FRYL: variants seen among roughly 807,000 people sequenced by gnomAD.
FRYL encodes the protein FRY like transcription coactivator.
Under a neutral mutation model 351.2 loss-of-function variants are expected in FRYL, and 150 were observed. The observed-to-expected ratio is 0.43, with a 90% confidence interval of 0.37 to 0.49. FRYL has a LOEUF of 0.49. Ranked by LOEUF, FRYL falls within the 20% of genes least tolerant of loss-of-function variation. FRYL has a pLI of 0.00. For missense variants in FRYL, 3,036 were observed against 3,619.3 expected (o/e 0.84, Z 4.13); for synonymous variants, 1,153 against 1,257.1 (o/e 0.92, Z 1.75).
In FRYL at chr4:48,715,934, C is replaced by T. The variant is rs1305776377; in HGVS notation, c.-383-5236G>A. Among the ~76,000 whole-genome samples, 30 of 152,008 alleles carry T rather than the reference C, an allele frequency of 2.0e-4. No homozygotes were observed. The East Asian group carries it at 2.5e-3, about 13-fold the overall frequency. ...ACTGGTACCAAAACAGAGATATAGACCAATGGAACAGAACAGAGCCCTCAG... is the reference window on the plus strand; with the variant it reads ...ACTGGTACCAAAACAGAGATATAGATCAATGGAACAGAACAGAGCCCTCAG... On this transcript the variant is annotated intron_variant, in intron 1 of 63. Coordinates refer to ENST00000358350, the MANE Select transcript of FRYL (RefSeq NM_015030.2).
chr4:48,606,701 A>G (rs538801874), intron 9 of FRYL, 95 bp from the exon 10 acceptor site: 2 of 902,282 alleles, frequency 2.2e-6, no homozygotes, highest in Non-Finnish European at 3.2e-6. Context: ...TGCTACCTAA[A>G]TATCATCTCC....
chr4:48,776,726 T>C (rs1040668834), intron 1 of FRYL, among the ~76,000 whole-genome samples: 12 of 152,190 alleles, frequency 7.9e-5, no homozygotes, highest in East Asian at 5.8e-4. Context: ...TATGTAACAA[T>C]AGTTGAAATT....
At chr4:48,564,878 G>T in intron 30 of FRYL, 55 bp downstream of exon 30, 1 of 958,438 alleles carries the variant, frequency 1.0e-6, no homozygotes, top group Non-Finnish European at 1.6e-6. Flanking sequence ...TACATTAACT[G>T]CAAATAATAC....
chr4:48,730,215 C>T (rs1215229662), intron 1 of FRYL, among the ~76,000 whole-genome samples: 2 of 151,992 alleles, frequency 1.3e-5, no homozygotes, highest in Admixed American at 1.3e-4. Flanking sequence ...AACAAAACCT[C>T]CAAGAAAATA....
intron 4 of FRYL, among the ~76,000 whole-genome samples, chr4:48,624,346 C>T (rs766103088): frequency 1.3e-5 from 2 of 152,070 alleles, no homozygotes; most frequent in Non-Finnish European, 2.9e-5. Flanking sequence ...GTGGGACTCA[C>T]TGTGGAAAGC....
chr4:48,626,746 AAT>A (rs1216680505), intron 4 of FRYL, among the ~76,000 whole-genome samples: 1 of 152,152 alleles, frequency 6.6e-6, no homozygotes, highest in Non-Finnish European at 1.5e-5. Flanking sequence ...ATAAACAAGA[AAT>A]ATATAGAGAT....
Position 48,578,983 on chromosome 4 carries a change from C to G in FRYL, c.2518G>C (p.Val840Leu), listed in dbSNP as rs777191122. 6.8e-6 allele frequency: 11 copies of G among 1,607,488 alleles called. No individual in the cohort carries two copies. The South Asian group carries it at 1.2e-4, about 18-fold the overall frequency. The change falls in exon 23 of 64, where the codon GTC (valine) becomes CTC (leucine). Residue 840 changes from valine (V) to leucine (L), a missense_variant. This residue lies in a region of FRYL where 492 missense variants were observed against 551.5 expected (regional missense o/e 0.89). Transcript: ENST00000358350. ...YTRLQLLSPQ[V>L]DINSPINAKK... ...AGGAAAATAACTTACTTTATATCGA[C>G]CTGAGGGGACAACAACTGAAGTCTT... is the stretch of plus-strand genomic sequence containing the variant.
intron 61 of FRYL, among the ~76,000 whole-genome samples, chr4:48,502,084 C>T (rs1359264242): frequency 1.1e-4 from 16 of 152,108 alleles, no homozygotes; most frequent in Non-Finnish European, 1.5e-5. Flanking sequence ...GACTTTTGCC[C>T]TCATTGAGAT....
chr4:48,626,514 T>A (rs1352156461), intron 4 of FRYL, among the ~76,000 whole-genome samples: 2 of 152,038 alleles, frequency 1.3e-5, no homozygotes, highest in Non-Finnish European at 2.9e-5. Flanking sequence ...AAATAGCATG[T>A]ATGATGTGAT....
At chr4:48,678,507 CAAAAAAAAA>C (rs10639089) in intron 3 of FRYL, among the ~76,000 whole-genome samples, 3 of 71,768 alleles carry the variant, frequency 4.2e-5, no homozygotes, top group African/African-American at 1.2e-4. Flanking sequence ...AACTCCATCT[CAAAAAAAAA>C]AAAAAAAAAA....
At chr4:48,667,769 TC>T (rs1761984878) in intron 3 of FRYL, among the ~76,000 whole-genome samples, 1 of 152,084 alleles carries the variant, frequency 6.6e-6, no homozygotes, top group African/African-American at 2.4e-5. Flanking sequence ...TGCCTCAGCC[TC>T]CCCAGTACCT....
intron 1 of FRYL, among the ~76,000 whole-genome samples, chr4:48,747,463 ATATTT>A (rs1772811353): frequency 6.6e-6 from 1 of 152,266 alleles, no homozygotes; most frequent in South Asian, 2.1e-4. Context: ...ATTCAAATTT[ATATTT>A]TATTCAGATT....
intron 1 of FRYL, among the ~76,000 whole-genome samples, chr4:48,737,170 T>A (rs1771531139): frequency 6.8e-6 from 1 of 146,102 alleles, no homozygotes. Flanking sequence ...GGCACAAGAA[T>A]CGTTTGAACC....
intron 62 of FRYL, 42 bp from the exon 63 acceptor site, chr4:48,500,262 T>C: frequency 2.3e-6 from 3 of 1,295,702 alleles, no homozygotes; most frequent in South Asian, 1.5e-5. Flanking sequence ...GTATGTTTGG[T>C]AACAAAAACA....
chr4:48,502,599 A>G (rs1477497952), intron 61 of FRYL, among the ~76,000 whole-genome samples: 2 of 151,974 alleles, frequency 1.3e-5, no homozygotes, highest in African/African-American at 4.8e-5. Context: ...GAAATTTAAG[A>G]GGAGATATGT....
chr4:48,510,551 C>G (rs996227358), intron 58 of FRYL, among the ~76,000 whole-genome samples: 1 of 152,040 alleles, frequency 6.6e-6, no homozygotes, highest in Non-Finnish European at 1.5e-5. Flanking sequence ...ATCTCCTACC[C>G]ATTTTTATTT....
intron 47 of FRYL, among the ~76,000 whole-genome samples, chr4:48,538,550 A>G (rs1729392029): frequency 6.6e-6 from 1 of 152,158 alleles, no homozygotes; most frequent in Admixed American, 6.6e-5. Context: ...CAGTGCTGCA[A>G]TCTGGGCCAT....
intron 28 of FRYL, among the ~76,000 whole-genome samples, chr4:48,566,495 C>T (rs558726698): frequency 2.8e-4 from 43 of 152,292 alleles, no homozygotes; most frequent in Non-Finnish European, 4.6e-4. Context: ...AAAAAATATG[C>T]TCTTTTCCTT....
chr4:48,710,092 C>T (rs944623275), intron 2 of FRYL, among the ~76,000 whole-genome samples: 2 of 152,162 alleles, frequency 1.3e-5, no homozygotes, highest in Non-Finnish European at 2.9e-5. Flanking sequence ...AAAAGGCACA[C>T]ATAGTGCTAT....
Sources: gnomAD v4.1 joint callset for allele counts (sites outside exome capture counted in the v4.1 genomes callset) on GRCh38, gnomAD v4.1.1 for gene constraint, gnomAD v4.1.1 regional missense constraint, MANE v1.5 for transcripts, NCBI Gene and HGNC (gene_info 2026-07-23, HGNC 2026-07-21) for gene names.